The following OBSL1 variants were observed in gnomAD, a reference collection of about 807,000 sequenced individuals.
OBSL1 encodes obscurin like cytoskeletal adaptor 1, also known as obscurin-like protein 1.
OBSL1 carries 160 observed loss-of-function variants against 172.0 expected under a neutral mutation model. The observed-to-expected ratio is 0.93, with a 90% CI of 0.82 to 1.06. The LOEUF is 1.06. Ranked by LOEUF, OBSL1 falls within the 50% of genes least tolerant of loss-of-function variation. The pLI is 0.00. For missense variants in OBSL1, 2,681 were observed against 2,715.4 expected (o/e 0.99, Z 0.28); for synonymous variants, 1,200 against 1,196.3 (o/e 1.00, Z -0.06).
rs776603965 is a variant in OBSL1, at chr2:219,557,882, G to T, written c.3731C>A (p.Thr1244Asn). 1.2e-6 allele frequency: 2 copies of T among 1,601,970 alleles called. No individual in the cohort carries two copies. Among genetic ancestry groups the T allele is most frequent in the East Asian group, 2.2e-5 (1 of 44,876 alleles). ...AAGPAHAGLY[T>N]CQSGAAPGAP... ...TCCGGGGGCTGCTCCAGACTGGCAG[G>T]TGTAGAGCCCTGCATGGGCTGGGCC... Residue 1244 changes from threonine to asparagine, a missense_variant, in exon 11 of 21, where the codon ACC becomes AAC. Coordinates refer to ENST00000404537, the MANE Select transcript of OBSL1 (RefSeq NM_015311.3).
chr2:219,562,015 AC>A (rs1696513188), intron 8 of OBSL1: 1 of 717,366 alleles, frequency 1.4e-6, no homozygotes. Flanking sequence ...GACTCTGCAG[AC>A]CAAACAAAGC....
rs1047817778 is a variant in OBSL1 at position 219,570,454 on chromosome 2, C to T, written c.779G>A (p.Gly260Asp). The change falls in exon 1 of 21, where the codon GGC becomes GAC. Residue 260 changes from glycine (G) to aspartate (D), a missense_variant. This residue lies in a region of OBSL1 where 706 missense variants were observed against 695.8 expected (regional missense o/e 1.01). Coordinates refer to ENST00000404537, the MANE Select transcript of OBSL1 (RefSeq NM_015311.3). ...GTAGCAGCGGAACTTGGCGTGCTTGCCCTCGTTCACCCAGAAGGTCTTAGG... is the reference window on the plus strand; with the variant it reads ...GTAGCAGCGGAACTTGGCGTGCTTGTCCTCGTTCACCCAGAAGGTCTTAGG... ...CAPKTFWVNE[G>D]KHAKFRCYVM... 2 of 1,612,998 alleles carry T rather than the reference C, an allele frequency of 1.2e-6. No individual in the cohort carries two copies. The highest frequency in any genetic ancestry group is 1.1e-5 in the South Asian group (1 of 91,086).
Position 219,556,457 on chromosome 2 carries a change from G to A in OBSL1, c.4333C>T (p.Arg1445Ter), listed in dbSNP as rs752362627. The A allele has an allele frequency of 2.8e-5, 45 of 1,613,586 alleles. No homozygotes were observed. The highest frequency in any genetic ancestry group is 3.6e-5 in the Non-Finnish European group (43 of 1,179,878). Residue 1445 changes from arginine to a stop codon, truncating the protein, a stop_gained, in exon 13 of 21, where the codon CGA (arginine) becomes TGA (stop). Coordinates refer to ENST00000404537, the MANE Select transcript of OBSL1 (RefSeq NM_015311.3). LOFTEE classifies it high-confidence loss of function. ...STATSARLHV[R>*]ETELLFLRRL... Reference sequence around the variant, plus strand: ...CTCATCCTCATCAGGACCTAACCTCGAACATGGAGCCGGGCACTTGTGGCC... The same window carrying A: ...CTCATCCTCATCAGGACCTAACCTCAAACATGGAGCCGGGCACTTGTGGCC...
At chr2:219,549,087 G>A, downstream of OBSL1, 1 of 1,583,270 alleles carries the variant, frequency 6.3e-7, no homozygotes, top group South Asian at 1.1e-5. Flanking sequence ...GGATGAGAGA[G>A]GGAGGGCTCA....
chr2:219,552,448 A>G (rs994180135), intron 18 of OBSL1, 88 bp downstream of exon 18: 17 of 1,305,040 alleles, frequency 1.3e-5, no homozygotes, highest in African/African-American at 3.9e-5. Flanking sequence ...CGTCGGAGCC[A>G]GGGGCGGGGC....
chr2:219,553,519 C>T lies in OBSL1; in HGVS notation c.4989+55G>A, dbSNP rs554007132. 4.9e-6 allele frequency: 6 copies of T among 1,220,506 alleles called. No individual in the cohort carries two copies. The African/African-American group carries it at 7.4e-5, about 15-fold the overall frequency. 75.6% of individuals were successfully genotyped at this position (1,220,506 alleles called of 1,614,324 possible). A position where few individuals can be genotyped will look rare whatever the true frequency, so the allele number is the denominator to read the frequency against. ...GAATATTAGCTGTTTCTGTCTGGGG[C>T]ATTATTATCGTTGGTGTTACACTGA... On this transcript the variant is annotated intron_variant, in intron 16 of 20. Transcript: ENST00000404537.
At chr2:219,548,601 G>A (rs1461604933), downstream of OBSL1, among the ~76,000 whole-genome samples, 2 of 152,248 alleles carry the variant, frequency 1.3e-5, no homozygotes, top group Non-Finnish European at 2.9e-5. Flanking sequence ...AATGAGCTCA[G>A]CTTGCTTGAG....
At chr2:219,552,333 T>A in intron 18 of OBSL1, 117 bp from the exon 19 acceptor site, 1 of 1,010,394 alleles carries the variant, frequency 9.9e-7, no homozygotes, top group Non-Finnish European at 1.5e-6. Context: ...TATGCTAGGG[T>A]GGGCGGAACA....
chr2:219,557,977 G>T lies in OBSL1; in HGVS notation c.3636C>A (p.Pro1212=). ...APVVWSHNGR[P]VQEGEGLELH... is the part of the protein sequence containing the mutation. ...GCTCTAGGCCCTCGCCCTCCTGCACGGGCCTCCCATTGTGGCTCCAGACCA... is the reference window on the plus strand; with the variant it reads ...GCTCTAGGCCCTCGCCCTCCTGCACTGGCCTCCCATTGTGGCTCCAGACCA... Residue 1212 remains proline (P), a synonymous_variant, in exon 11 of 21, where the codon CCC becomes CCA. Transcript: ENST00000404537. 2 of 1,610,466 alleles carry T rather than the reference G, an allele frequency of 1.2e-6. No homozygotes were observed. Among genetic ancestry groups the T allele is most frequent in the Non-Finnish European group, 1.7e-6 (2 of 1,179,024 alleles).
chr2:219,552,745 C>T, intron 17 of OBSL1, 48 bp from the exon 18 acceptor site: 2 of 1,511,222 alleles, frequency 1.3e-6, no homozygotes, highest in Non-Finnish European at 1.8e-6. Flanking sequence ...AGGGCAGTTA[C>T]CGGTCACGCC....
downstream of OBSL1, chr2:219,550,427 G>A: frequency 4.7e-6 from 1 of 212,688 alleles, no homozygotes. Context: ...GGGGTGGGGG[G>A]GTGCTGCTCT....
chr2:219,556,173 C>G lies in OBSL1; in HGVS notation c.4456G>C (p.Gly1486Arg). The G allele has an allele frequency of 6.2e-7, 1 of 1,613,320 alleles. No individual in the cohort carries two copies. Among genetic ancestry groups the G allele is most frequent in the Non-Finnish European group, 8.5e-7 (1 of 1,179,720 alleles). Residue 1486 changes from glycine (G) to arginine (R), a missense_variant, in exon 14 of 21, where the codon GGT (glycine) becomes CGT (arginine). Transcript: ENST00000404537. ...GAAGAVRWVR[G>R]GQPLPHDSRL... ...GAGTCGTGGGGCAGGGGCTGCCCACCTCGCACCCAGCGCACGGCCCCCGCT... is the reference window on the plus strand; with the variant it reads ...GAGTCGTGGGGCAGGGGCTGCCCACGTCGCACCCAGCGCACGGCCCCCGCT...
At position 219,567,938 on chromosome 2, in the gene OBSL1, G is replaced by A. The variant is rs1697036660; in HGVS notation, c.1314C>T (p.Leu438=). ...CAGCATTCTCTCCTTCCAGGACGTC[G>A]AGCTTCCGGGGCAGGCGCTTCAGGA... is the stretch of plus-strand genomic sequence containing the variant. ...GPILKRLPRK[L]DVLEGENAVL... Residue 438 remains leucine (L), a synonymous_variant, in exon 3 of 21, where the codon CTC becomes CTT. Transcript: ENST00000404537. 1.2e-6 allele frequency: 2 copies of A among 1,613,824 alleles called. No homozygotes were observed. Among genetic ancestry groups the A allele is most frequent in the Non-Finnish European group, 1.7e-6 (2 of 1,179,872 alleles).
chr2:219,567,995 A>T (rs778596339), intron 2 of OBSL1, 26 bp from the exon 3 acceptor site: 1 of 1,609,910 alleles, frequency 6.2e-7, no homozygotes, highest in East Asian at 2.2e-5. Flanking sequence ...GAATCCATCA[A>T]CCTGGAATCT....
chr2:219,551,777 C>T lies in OBSL1; in HGVS notation c.5435G>A (p.Arg1812His). 6.3e-7 allele frequency: 1 copy of T among 1,587,742 alleles called. No individual in the cohort carries two copies. The highest frequency in any genetic ancestry group is 8.6e-7 in the Non-Finnish European group (1 of 1,164,814). ...AACGGTCTTCTCGCGAGGGGGGTGG[C>T]GGCACATCTGGAGAGGCAATGCTGG... ...EVEALPLQMC[R>H]HPPREKTVLV... The change falls in exon 20 of 21, where the codon CGC (arginine) becomes CAC (histidine). Residue 1812 changes from arginine to histidine, a missense_variant. Transcript: ENST00000404537.
In OBSL1 at chr2:219,557,350, G is replaced by GC. The variant is rs1319249707; in HGVS notation, c.4058dup (p.Ser1353ArgfsTer24). ...TGAGGGGTACACTGTTACCTTCCAC[G>GC]CTGACAAGGAAGATGCGGCTGTCCT... On this transcript the variant is annotated frameshift_variant, in exon 12 of 21. Coordinates refer to ENST00000404537, the MANE Select transcript of OBSL1 (RefSeq NM_015311.3). LOFTEE classifies it high-confidence loss of function. 3 of 1,497,412 alleles carry GC rather than the reference G, an allele frequency of 2.0e-6. No homozygotes were observed. Among genetic ancestry groups the GC allele is most frequent in the African/African-American group, 2.8e-5 (2 of 72,350 alleles). The allele number at this position is 1,497,412 out of a possible 1,614,324, so 92.8% of individuals were successfully genotyped here.
chr2:219,557,690 A>G (rs1696131810), intron 11 of OBSL1, 72 bp from the exon 12 acceptor site: 9 of 1,508,976 alleles, frequency 6.0e-6, no homozygotes, highest in Non-Finnish European at 7.9e-6. Context: ...GGGAGGCATG[A>G]CGGGGAAGGT....
At chr2:219,550,002 G>T, downstream of OBSL1, 1 of 1,111,908 alleles carries the variant, frequency 9.0e-7, no homozygotes, top group Non-Finnish European at 1.3e-6. Flanking sequence ...GATTGTCTCA[G>T]GCGAGTCTTG....
rs1303970435 is a variant in OBSL1 at position 219,568,775 on chromosome 2, C to T, written c.1013-451G>A. On this transcript the variant is annotated intron_variant, in intron 1 of 20. Coordinates refer to ENST00000404537, the MANE Select transcript of OBSL1 (RefSeq NM_015311.3). This position sits in a 1 kb window ranked among gnomAD's most constrained non-coding sequence, Gnocchi z 4.1. ...TCTTTTTTTTTTTGAGATGGAGTCTCGCTCTGTTGCCCAGGCTGGAGTGCA... is the reference window on the plus strand; with the variant it reads ...TCTTTTTTTTTTTGAGATGGAGTCTTGCTCTGTTGCCCAGGCTGGAGTGCA... Among the ~76,000 whole-genome samples, 2 of 151,144 alleles carry T rather than the reference C, an allele frequency of 1.3e-5. No individual in the cohort carries two copies. The highest frequency in any genetic ancestry group is 2.4e-5 in the African/African-American group (1 of 41,126).
Sources: gnomAD v4.1 joint callset for allele counts (sites outside exome capture counted in the v4.1 genomes callset) on GRCh38, gnomAD v4.1.1 for gene constraint, gnomAD v4.1.1 regional missense constraint, Gnocchi (gnomAD v3.1) non-coding constraint, MANE v1.5 for transcripts, NCBI Gene and HGNC (gene_info 2026-07-23, HGNC 2026-07-21) for gene names.